Variants in C22orf42 observed in about 807,000 individuals in gnomAD.
C22orf42 encodes the protein uncharacterized protein C22orf42.
In C22orf42, 24 loss-of-function variants were observed where a neutral mutation model predicts 31.4. That is an observed-to-expected ratio of 0.77 (90% confidence interval 0.55 to 1.08). C22orf42 has a LOEUF of 1.08. Among genes scored for constraint, C22orf42 ranks in the 50% least tolerant of loss-of-function variants. C22orf42 has a pLI of 0.00. For missense variants in C22orf42, 276 were observed against 327.3 expected, an observed-to-expected ratio of 0.84 and a Z score of 1.21; for synonymous variants, 96 against 112.7, an observed-to-expected ratio of 0.85 and a Z score of 0.94.
In C22orf42 at chr22:32,159,071, C is replaced by A. The variant is rs1489548392; in HGVS notation, c.145G>T (p.Ala49Ser). 1 of 1,614,176 alleles carries A rather than the reference C, an allele frequency of 6.2e-7. No homozygotes were observed. The highest frequency in any genetic ancestry group is 1.1e-5 in the South Asian group (1 of 91,076). ...TTCTTAGCTTTCAAATCCAATTTGG[C>A]AGGCTTTGCAGTGGTGGATGCTGGT... ...TAPASTTAKPAKLDLKAKKAQ... is the reference protein window; with the variant it reads ...TAPASTTAKPSKLDLKAKKAQ... The change falls in exon 1 of 9, where the codon GCC (alanine) becomes TCC (serine). Residue 49 changes from alanine (A) to serine (S), a missense_variant. Physicochemically the swap from Ala to Ser is moderately conservative, Grantham distance 99. Coordinates refer to ENST00000382097, the MANE Select transcript of C22orf42 (RefSeq NM_001010859.3).
At chr22:32,150,714 C>T in intron 6 of C22orf42, 1 of 625,662 alleles carries the variant, frequency 1.6e-6, no homozygotes, top group Non-Finnish European at 2.9e-6. Context: ...GAAATAGTCA[C>T]CTTAAGAACC....
At chr22:32,150,526 C>T (rs2149510861) in intron 6 of C22orf42, 47 bp from the exon 7 acceptor site, 2 of 1,599,992 alleles carry the variant, frequency 1.3e-6, no homozygotes, top group Non-Finnish European at 1.7e-6. Context: ...GCTGAGGAAT[C>T]CCACAAGGAG....
Position 32,151,121 on chromosome 22 carries a change from G to A in C22orf42, c.466-102C>T. On this transcript the variant is annotated intron_variant, in intron 5 of 8. Transcript: ENST00000382097. ...CACCTGGTGAAATAAAAAACCGGAT[G>A]TGAAACAGTGATCAAGTCACTGGCC... 4.2e-6 allele frequency: 5 copies of A among 1,187,568 alleles called. No individual in the cohort carries two copies. In the East Asian group the frequency reaches 9.2e-5, roughly 22 times the overall value. The allele number at this position is 1,187,568 out of a possible 1,614,324, so 73.6% of individuals were successfully genotyped here. A position where few individuals can be genotyped will look rare whatever the true frequency, so the allele number is the denominator to read the frequency against.
intron 1 of C22orf42, among the ~76,000 whole-genome samples, chr22:32,154,907 G>A (rs1336976679): frequency 6.6e-6 from 1 of 152,196 alleles, no homozygotes; most frequent in Non-Finnish European, 1.5e-5. Flanking sequence ...AGGGTGGAAG[G>A]TGACTTCACT....
chr22:32,156,125 C>T (rs1921246890), intron 1 of C22orf42, among the ~76,000 whole-genome samples: 1 of 151,984 alleles, frequency 6.6e-6, no homozygotes, highest in Non-Finnish European at 1.5e-5. Flanking sequence ...GGCTTAACTA[C>T]TTTAATAAAC....
chr22:32,151,027 A>G lies in C22orf42; in HGVS notation c.466-8T>C. 4 of 1,611,338 alleles carry G rather than the reference A, an allele frequency of 2.5e-6. No individual in the cohort carries two copies. The highest frequency in any genetic ancestry group is 2.5e-6 in the Non-Finnish European group (3 of 1,179,216). On this transcript the variant is annotated splice_polypyrimidine_tract_variant and splice_region_variant and intron_variant, in intron 5 of 8. Coordinates refer to ENST00000382097, the MANE Select transcript of C22orf42 (RefSeq NM_001010859.3). ...CTTGGCCTCAGATATTTCCTGCAGT[A>G]AGAGAAAAGAAAAAGAAACACCATG...
chr22:32,156,167 C>T (rs112963618), intron 1 of C22orf42, among the ~76,000 whole-genome samples: 5 of 152,272 alleles, frequency 3.3e-5, no homozygotes, highest in African/African-American at 9.6e-5. Context: ...GAGGTAGTAT[C>T]CAAAGCAGCT....
chr22:32,150,966 A>T (rs1480997980), intron 6 of C22orf42, 26 bp downstream of exon 6: 1 of 1,602,814 alleles, frequency 6.2e-7, no homozygotes, highest in Non-Finnish European at 8.5e-7. Context: ...ACACGTAAAT[A>T]AAGCTGTTTA....
rs1603184777 is a variant in C22orf42, at chr22:32,159,057, C to A, written c.159G>T (p.Leu53Phe). 6.2e-7 allele frequency: 1 copy of A among 1,614,186 alleles called. No individual in the cohort carries two copies. The highest frequency in any genetic ancestry group is 8.5e-7 in the Non-Finnish European group (1 of 1,180,038). ...GCATGAGTTGGGCCTTCTTAGCTTT[C>A]AAATCCAATTTGGCAGGCTTTGCAG... ...STTAKPAKLD[L>F]KAKKAQLMQY... The change falls in exon 1 of 9, where the codon TTG (leucine) becomes TTT (phenylalanine). Residue 53 changes from leucine (L) to phenylalanine (F), a missense_variant. Leu to Phe is a conservative substitution (Grantham distance 22). Coordinates refer to ENST00000382097, the MANE Select transcript of C22orf42 (RefSeq NM_001010859.3).
chr22:32,159,082 G>A lies in C22orf42; in HGVS notation c.134C>T (p.Thr45Ile). The stretch of plus-strand genomic sequence containing the variant: ...CAAATCCAATTTGGCAGGCTTTGCA[G>A]TGGTGGATGCTGGTGCTGTGGCTGC... ...TVAATAPAST[T>I]AKPAKLDLKA... The change falls in exon 1 of 9, where the codon ACT (threonine) becomes ATT (isoleucine). Residue 45 changes from threonine to isoleucine, a missense_variant. Thr to Ile is a moderately conservative substitution (Grantham distance 89, BLOSUM62 -1). Transcript: ENST00000382097. The A allele has an allele frequency of 6.2e-7, 1 of 1,614,222 alleles. No individual in the cohort carries two copies. Among genetic ancestry groups the A allele is most frequent in the Non-Finnish European group, 8.5e-7 (1 of 1,180,038 alleles).
At chr22:32,159,403 C>T (rs1020454410), upstream of C22orf42, 22 of 1,425,360 alleles carry the variant, frequency 1.5e-5, no homozygotes, top group East Asian at 7.6e-5. Context: ...TCACAATGGC[C>T]GACCCCACAG....
intron 1 of C22orf42, among the ~76,000 whole-genome samples, chr22:32,156,750 T>G (rs896288029): frequency 6.9e-6 from 1 of 145,690 alleles, no homozygotes; most frequent in Non-Finnish European, 1.5e-5. Flanking sequence ...ATTTTACTAG[T>G]CCCTTACTAG....
chr22:32,156,636 G>A (rs1300345468), intron 1 of C22orf42, among the ~76,000 whole-genome samples: 1 of 133,302 alleles, frequency 7.5e-6, no homozygotes, highest in Non-Finnish European at 1.6e-5. Context: ...CTCCCTTTTT[G>A]CTTTTCTGTG....
intron 6 of C22orf42, 74 bp from the exon 7 acceptor site, chr22:32,150,553 C>T: frequency 1.3e-6 from 2 of 1,507,446 alleles, no homozygotes; most frequent in Non-Finnish European, 9.2e-7. Flanking sequence ...GGGATGTGGA[C>T]CAGGGCTGGA....
At chr22:32,151,714 AAGG>A (rs1273399265) in intron 4 of C22orf42, among the ~76,000 whole-genome samples, 163 bp from the exon 5 acceptor site, 13 of 152,176 alleles carry the variant, frequency 8.5e-5, no homozygotes, top group Admixed American at 8.5e-4. Context: ...AAGGAAGGCA[AAGG>A]AGAAGGGTAG....
chr22:32,159,698 GT>G (rs1321279154), upstream of C22orf42, among the ~76,000 whole-genome samples: 1 of 152,208 alleles, frequency 6.6e-6, no homozygotes, highest in Non-Finnish European at 1.5e-5. Context: ...TGCTTTGTAA[GT>G]AAATGCTTCT....
intron 1 of C22orf42, among the ~76,000 whole-genome samples, chr22:32,155,018 C>T (rs758280950): frequency 6.6e-5 from 10 of 152,180 alleles, no homozygotes; most frequent in Non-Finnish European, 1.3e-4. Context: ...GGCTACAACC[C>T]GTATTTTCCA....
In C22orf42 at chr22:32,159,269, G is replaced by A. The variant is rs375236573; in HGVS notation, c.-54C>T. The A allele has an allele frequency of 1.5e-5, 24 of 1,590,648 alleles. No individual in the cohort carries two copies. Among genetic ancestry groups the A allele is most frequent in the Non-Finnish European group, 1.8e-5 (21 of 1,172,402 alleles). On this transcript the variant is annotated 5_prime_UTR_variant, in exon 1 of 9. Coordinates refer to ENST00000382097, the MANE Select transcript of C22orf42 (RefSeq NM_001010859.3). ...AGAGGCACAAGGACAGAATGTAGTC[G>A]GAGCTCCTCCTCCTTCTACGGCCAG...
intron 2 of C22orf42, among the ~76,000 whole-genome samples, chr22:32,153,857 C>CAA (rs34792152): frequency 4.1e-5 from 5 of 123,070 alleles, no homozygotes; most frequent in Non-Finnish European, 3.7e-5. Context: ...CCCATCTCTA[C>CAA]AAAAAAAAAA....
Sources: gnomAD v4.1 joint callset for allele counts (sites outside exome capture counted in the v4.1 genomes callset) on GRCh38, gnomAD v4.1.1 for gene constraint, MANE v1.5 for transcripts, NCBI Gene and HGNC (gene_info 2026-07-23, HGNC 2026-07-21) for gene names.